NCBP1: variants seen among roughly 807,000 people sequenced by gnomAD.
NCBP1 encodes nuclear cap-binding protein subunit 1.
In NCBP1, 16 loss-of-function variants were observed where a neutral mutation model predicts 111.7. The observed-to-expected ratio is 0.14, with a 90% CI of 0.10 to 0.22. The LOEUF (loss-of-function observed/expected upper bound fraction) is 0.22, where lower values mean the gene tolerates loss of function less well. NCBP1 is among the 10% of genes least tolerant of loss of function. The probability of loss-of-function intolerance (pLI) is 1.00; values close to 1 mark genes in which losing one functional copy is unlikely to be tolerated. For missense variants in NCBP1, 607 were observed against 957.5 expected, an observed-to-expected ratio of 0.63 and a Z score of 4.83; for synonymous variants, 304 against 314.3, an observed-to-expected ratio of 0.97 and a Z score of 0.35.
chr9:97,637,551 TA>T (rs1314057012), intron 1 of NCBP1, among the ~76,000 whole-genome samples: 1 of 152,248 alleles, frequency 6.6e-6, no homozygotes, highest in Non-Finnish European at 1.5e-5. Flanking sequence ...CTGATTTTTT[TA>T]CTTAACTAAA....
chr9:97,665,117 C>T (rs1244563018), intron 19 of NCBP1, among the ~76,000 whole-genome samples: 1 of 152,220 alleles, frequency 6.6e-6, no homozygotes, highest in African/African-American at 2.4e-5. Flanking sequence ...AAGTCCATCA[C>T]AACCTTTAAC....
chr9:97,654,537 G>A (rs1406506266), intron 11 of NCBP1, among the ~76,000 whole-genome samples: 1 of 150,656 alleles, frequency 6.6e-6, no homozygotes, highest in Admixed American at 6.6e-5. Flanking sequence ...AGACTTGCTT[G>A]TTGCAGGGTT....
intron 6 of NCBP1, among the ~76,000 whole-genome samples, chr9:97,646,777 C>T (rs893920726): frequency 7.1e-6 from 1 of 140,244 alleles, no homozygotes; most frequent in Non-Finnish European, 1.5e-5. Flanking sequence ...ACGGAGGTTG[C>T]AGTGAGCCGA....
chr9:97,647,857 TA>T, intron 7 of NCBP1, 150 bp from the exon 8 acceptor site: 1 of 758,738 alleles, frequency 1.3e-6, no homozygotes, highest in Non-Finnish European at 2.1e-6. Flanking sequence ...ACTTTGTAAG[TA>T]AAATAAAAAC....
At chr9:97,636,202 T>C (rs772499739) in intron 1 of NCBP1, among the ~76,000 whole-genome samples, 2 of 152,180 alleles carry the variant, frequency 1.3e-5, no homozygotes, top group Non-Finnish European at 2.9e-5. Flanking sequence ...CGCTGGAGTT[T>C]ACCCTACACA....
chr9:97,661,449 G>C (rs1168844131), intron 16 of NCBP1, among the ~76,000 whole-genome samples: 1 of 152,158 alleles, frequency 6.6e-6, no homozygotes, highest in Non-Finnish European at 1.5e-5. Context: ...TATATACCAT[G>C]TAATTCCAAC....
Position 97,671,944 on chromosome 9 carries a change from C to G in NCBP1, c.*745C>G, listed in dbSNP as rs550125724. 9.9e-5 allele frequency: 15 copies of G among 152,206 alleles called. No homozygotes were observed. The highest frequency in any genetic ancestry group is 2.2e-4 in the Non-Finnish European group (15 of 68,052). 9.4% of individuals were successfully genotyped at this position (152,206 alleles called of 1,614,324 possible). A position where few individuals can be genotyped will look rare whatever the true frequency, so the allele number is the denominator to read the frequency against. ...TTTGGTCACCATTATCTTAGAGCAT[C>G]TACTCACTTCCTCTAGCCTTGGGGT... is the stretch of plus-strand genomic sequence containing the variant. On this transcript the variant is annotated 3_prime_UTR_variant, in exon 23 of 23. Transcript: ENST00000375147.
intron 6 of NCBP1, 50 bp from the exon 7 acceptor site, chr9:97,647,442 C>G (rs750410690): frequency 7.2e-7 from 1 of 1,384,158 alleles, no homozygotes; most frequent in Admixed American, 1.7e-5. Flanking sequence ...GGTGACTGAG[C>G]ATCTCTTGTT....
At chr9:97,640,745 T>C in intron 1 of NCBP1, 49 bp from the exon 2 acceptor site, 2 of 1,413,200 alleles carry the variant, frequency 1.4e-6, no homozygotes, top group Admixed American at 2.0e-5. Context: ...ATAAAATTTG[T>C]GATAGCAGAT....
intron 12 of NCBP1, among the ~76,000 whole-genome samples, chr9:97,655,447 T>G (rs976482815): frequency 6.6e-6 from 1 of 152,210 alleles, no homozygotes; most frequent in African/African-American, 2.4e-5. Flanking sequence ...GAAAATAATA[T>G]GTACCTTGGA....
intron 12 of NCBP1, among the ~76,000 whole-genome samples, chr9:97,655,444 A>G (rs753022142): frequency 6.6e-6 from 1 of 152,168 alleles, no homozygotes; most frequent in Non-Finnish European, 1.5e-5. Context: ...GGAGAAAATA[A>G]TATGTACCTT....
Position 97,637,028 on chromosome 9 carries a change from T to C in NCBP1, c.34+3113T>C, listed in dbSNP as rs145914548. 3.6e-3 allele frequency among the ~76,000 whole-genome samples: 542 copies of C among 152,206 alleles called. 8 individuals carry two copies. The highest frequency in any genetic ancestry group is 2.9e-3 in the Non-Finnish European group (198 of 68,004). On this transcript the variant is annotated intron_variant, in intron 1 of 22. Transcript: ENST00000375147. ...CACAAAAGCCTGAAGACTATAGGGT[T>C]CCTGTCATGTTAACAGAAGAGCAAG...
In NCBP1 at chr9:97,660,940, G is replaced by C. The variant is rs755277577; in HGVS notation, c.1478-6G>C. ...TCATTCCCCTTACCCCCAATTCTGTGTTTAGATTCTCTTCCTGGACATTCT... is the reference window on the plus strand; with the variant it reads ...TCATTCCCCTTACCCCCAATTCTGTCTTTAGATTCTCTTCCTGGACATTCT... On this transcript the variant is annotated splice_polypyrimidine_tract_variant and splice_region_variant and intron_variant, in intron 15 of 22. Coordinates refer to ENST00000375147, the MANE Select transcript of NCBP1 (RefSeq NM_002486.5). 2 of 1,607,756 alleles carry C rather than the reference G, an allele frequency of 1.2e-6. No homozygotes were observed. Among genetic ancestry groups the C allele is most frequent in the Non-Finnish European group, 1.7e-6 (2 of 1,177,454 alleles).
In NCBP1 at chr9:97,655,537, A is replaced by G. The variant is rs564816044; in HGVS notation, c.1236-165A>G. ...GAATTATATCTGTCATTGACCTAAA[A>G]AGGATAAAGAGAGTTGGCAGAAGAT... On this transcript the variant is annotated intron_variant, in intron 12 of 22. Transcript: ENST00000375147. Among the ~76,000 whole-genome samples, 6 of 152,350 alleles carry G rather than the reference A, an allele frequency of 3.9e-5. No homozygotes were observed. In the East Asian group the frequency reaches 1.2e-3, roughly 29 times the overall value.
intron 10 of NCBP1, 114 bp from the exon 11 acceptor site, chr9:97,653,684 C>T: frequency 3.0e-6 from 2 of 675,880 alleles, no homozygotes; most frequent in African/African-American, 1.9e-5. Context: ...AAAGTAATTC[C>T]ATTTTCATAT....
At chr9:97,640,392 G>A (rs1322162779) in intron 1 of NCBP1, among the ~76,000 whole-genome samples, 1 of 152,080 alleles carries the variant, frequency 6.6e-6, no homozygotes, top group South Asian at 2.1e-4. Context: ...GGTACTAACA[G>A]GTTTCGGAAC....
rs759509804 is a variant in NCBP1, at chr9:97,656,031, A to G, written c.1319A>G (p.Asp440Gly). The G allele has an allele frequency of 9.3e-6, 15 of 1,613,926 alleles. No homozygotes were observed. The highest frequency in any genetic ancestry group is 8.9e-5 in the East Asian group (4 of 44,866). Reference protein sequence around the residue: ...WEDWSDCLSQDPESPKPKFVR... With the variant: ...WEDWSDCLSQGPESPKPKFVR... Reference sequence around the variant, plus strand: ...CTTAGGTCAGATTGTCTTAGTCAAGATCCTGAAAGTCCCAAACCGAAGTTT... The same window carrying G: ...CTTAGGTCAGATTGTCTTAGTCAAGGTCCTGAAAGTCCCAAACCGAAGTTT... Residue 440 changes from aspartate to glycine, a missense_variant, in exon 14 of 23, where the codon GAT becomes GGT. Physicochemically the swap from Asp to Gly is moderately conservative, Grantham distance 94. Coordinates refer to ENST00000375147, the MANE Select transcript of NCBP1 (RefSeq NM_002486.5).
intron 15 of NCBP1, 126 bp from the exon 16 acceptor site, chr9:97,660,820 G>T: frequency 9.1e-7 from 1 of 1,103,462 alleles, no homozygotes; most frequent in Non-Finnish European, 1.3e-6. Flanking sequence ...TATTGACCTT[G>T]GGATAAAGAG....
At chr9:97,636,398 C>T (rs1190596990) in intron 1 of NCBP1, among the ~76,000 whole-genome samples, 2 of 149,800 alleles carry the variant, frequency 1.3e-5, no homozygotes, top group Admixed American at 6.7e-5. Flanking sequence ...TCAGTCACTG[C>T]CCTGACTTTC....
Sources: allele counts gnomAD v4.1 joint callset (sites outside exome capture counted in the v4.1 genomes callset), GRCh38; gene constraint gnomAD v4.1.1; transcripts MANE v1.5; gene names NCBI Gene and HGNC (gene_info 2026-07-23, HGNC 2026-07-21).